Variants in COL4A4 observed in about 807,000 individuals in gnomAD.
COL4A4 encodes the protein collagen alpha-4(IV) chain.
In COL4A4, 105 loss-of-function variants were observed where a neutral mutation model predicts 192.9. That is an observed-to-expected ratio of 0.54 (90% CI 0.46 to 0.64). The LOEUF is 0.64. Among genes scored for constraint, COL4A4 ranks in the 30% least tolerant of loss-of-function variants. The pLI is 0.00. For missense variants in COL4A4, 1,967 were observed against 2,169.3 expected (o/e 0.91, Z 1.85); for synonymous variants, 762 against 769.9 (o/e 0.99, Z 0.17).
At chr2:227,011,814 T>C (rs1042440030) in intron 45 of COL4A4, among the ~76,000 whole-genome samples, 2 of 152,198 alleles carry the variant, frequency 1.3e-5, no homozygotes, top group African/African-American at 4.8e-5. Context: ...ACACCGTCCC[T>C]GAGGTCTTCA....
In COL4A4 at chr2:227,094,100, T is replaced by C. The variant is rs762777823; in HGVS notation, c.1369+25A>G. ...ATATCAAAAGCAGCATAAATGCTAA[T>C]GGATATGAATAAGGAGTACTTTACC... On this transcript the variant is annotated intron_variant, in intron 20 of 47. Coordinates refer to ENST00000396625, the MANE Select transcript of COL4A4 (RefSeq NM_000092.5). 13 of 1,606,736 alleles carry C rather than the reference T, an allele frequency of 8.1e-6. No individual in the cohort carries two copies. In the African/African-American group the frequency reaches 1.5e-4, roughly 18 times the overall value.
At chr2:227,009,740 A>T (rs1357113088) in intron 46 of COL4A4, among the ~76,000 whole-genome samples, 1 of 141,082 alleles carries the variant, frequency 7.1e-6, no homozygotes, top group East Asian at 2.3e-4. Context: ...AGAAAAGAGA[A>T]GAGAAGAGAG....
intron 1 of COL4A4, among the ~76,000 whole-genome samples, chr2:227,159,778 C>T (rs2064670857): frequency 6.6e-6 from 1 of 152,126 alleles, no homozygotes; most frequent in African/African-American, 2.4e-5. Flanking sequence ...TGAGGCCTCC[C>T]CAGCCATGCA....
intron 9 of COL4A4, among the ~76,000 whole-genome samples, chr2:227,109,732 C>G (rs2061083984): frequency 1.4e-5 from 2 of 145,598 alleles, no homozygotes; most frequent in African/African-American, 5.1e-5. Flanking sequence ...GGCGAAAGAG[C>G]AAGACTCTGT....
intron 4 of COL4A4, among the ~76,000 whole-genome samples, chr2:227,128,616 CT>C (rs2062229284): frequency 1.3e-5 from 2 of 152,096 alleles, no homozygotes; most frequent in African/African-American, 4.8e-5. Context: ...CCTTGTCACC[CT>C]CTTTCCCTCA....
At chr2:227,101,798 C>T in intron 16 of COL4A4, 67 bp downstream of exon 16, 2 of 1,284,234 alleles carry the variant, frequency 1.6e-6, no homozygotes, top group Non-Finnish European at 2.2e-6. Flanking sequence ...AGTACAACTT[C>T]TGAATTATAC....
intron 4 of COL4A4, among the ~76,000 whole-genome samples, chr2:227,121,561 C>CAAAAAAAAAAAAAAAAAAAAAAAAAAA (rs766680844): frequency 8.5e-5 from 5 of 58,962 alleles, no homozygotes; most frequent in Admixed American, 1.9e-4. Context: ...GACCCTATCT[C>CAAAAAAAAAAAAAAAAAAAAAAAAAAA]AAAAAAAAAA....
intron 6 of COL4A4, among the ~76,000 whole-genome samples, chr2:227,119,150 T>C (rs1261013574): frequency 6.6e-6 from 1 of 151,996 alleles, no homozygotes; most frequent in African/African-American, 2.4e-5. Context: ...ACATTCCTTA[T>C]GAGTATGCAT....
intron 37 of COL4A4, among the ~76,000 whole-genome samples, chr2:227,035,375 A>G (rs1334710480): frequency 3.3e-5 from 5 of 152,156 alleles, no homozygotes; most frequent in African/African-American, 2.4e-5. Flanking sequence ...ATTATTGTCT[A>G]TTCATTTTAA....
At chr2:227,099,552 T>C in intron 18 of COL4A4, 68 bp downstream of exon 18, 1 of 1,403,978 alleles carries the variant, frequency 7.1e-7, no homozygotes, top group Non-Finnish European at 1.0e-6. Flanking sequence ...TGGGCCAGAC[T>C]CTTCTGTCCT....
At chr2:227,145,830 C>G (rs1419607807) in intron 2 of COL4A4, among the ~76,000 whole-genome samples, 1 of 152,182 alleles carries the variant, frequency 6.6e-6, no homozygotes, top group African/African-American at 2.4e-5. Context: ...CACTAAATTT[C>G]CTCTCTCCTC....
Position 227,023,279 on chromosome 2 carries a change from T to TA in COL4A4, c.4091-1107dup, listed in dbSNP as rs797020507. Among the ~76,000 whole-genome samples the TA allele has an allele frequency of 1.8e-3, 246 of 137,248 alleles. 1 individual carries two copies. Among genetic ancestry groups the TA allele is most frequent in the Admixed American group, 2.5e-3 (34 of 13,640 alleles). 90.0% of individuals were successfully genotyped at this position (137,248 alleles called of 152,430 possible). On this transcript the variant is annotated intron_variant, in intron 43 of 47. Transcript: ENST00000396625. The stretch of plus-strand genomic sequence containing the variant: ...AACATGGTGAAACCCCATCTCTACT[T>TA]AAAAAAAAAAAAAAATAGCTGGGTG...
At chr2:227,001,841 G>T (rs1348497376), downstream of COL4A4, among the ~76,000 whole-genome samples, 2 of 152,122 alleles carry the variant, frequency 1.3e-5, no homozygotes, top group Non-Finnish European at 2.9e-5. Flanking sequence ...TCAGGTAAAA[G>T]GTTGGCCCAA....
At chr2:227,088,965 C>G in intron 21 of COL4A4, 149 bp from the exon 22 acceptor site, 1 of 905,898 alleles carries the variant, frequency 1.1e-6, no homozygotes, top group Non-Finnish European at 1.7e-6. Context: ...GCTGTGGGGG[C>G]TGGGTGTGGC....
intron 1 of COL4A4, among the ~76,000 whole-genome samples, chr2:227,153,284 G>A (rs752799567): frequency 1.3e-5 from 2 of 152,112 alleles, no homozygotes; most frequent in Non-Finnish European, 2.9e-5. Flanking sequence ...ACAGCAACAA[G>A]CCAAAGTGTT....
chr2:227,051,246 G>T, intron 32 of COL4A4, 88 bp from the exon 33 acceptor site: 2 of 1,351,104 alleles, frequency 1.5e-6, no homozygotes, highest in Non-Finnish European at 1.1e-6. Context: ...ACTTTTAGGA[G>T]ATAAAGCCAA....
chr2:227,038,509 T>C (rs969222284), intron 37 of COL4A4, among the ~76,000 whole-genome samples: 1 of 152,216 alleles, frequency 6.6e-6, no homozygotes, highest in Non-Finnish European at 1.5e-5. Context: ...CTGATGCCTC[T>C]GGCTTTATTC....
intron 9 of COL4A4, 83 bp from the exon 10 acceptor site, chr2:227,109,369 G>T: frequency 8.8e-7 from 1 of 1,131,142 alleles, no homozygotes; most frequent in Non-Finnish European, 1.4e-6. Context: ...ATCCCATGTG[G>T]ATAAAAACCT....
downstream of COL4A4, among the ~76,000 whole-genome samples, chr2:227,000,980 G>T (rs1210438220): frequency 6.6e-6 from 1 of 152,008 alleles, no homozygotes; most frequent in African/African-American, 2.4e-5. Context: ...ACGTGGAATT[G>T]TAAGTCCAAT....
Sources: allele counts gnomAD v4.1 joint callset (sites outside exome capture counted in the v4.1 genomes callset), GRCh38; gene constraint gnomAD v4.1.1; transcripts MANE v1.5; gene names NCBI Gene and HGNC (gene_info 2026-07-23, HGNC 2026-07-21).